DNAH11: variants seen among roughly 807,000 people sequenced by gnomAD.
DNAH11 encodes the protein dynein axonemal heavy chain 11.
A neutral mutation model predicts 526.0 loss-of-function variants in DNAH11; 442 were observed. The ratio of observed to expected loss-of-function variants is 0.84; its 90% confidence interval spans 0.78 to 0.91. The LOEUF is 0.91. Among genes scored for constraint, DNAH11 ranks in the 40% least tolerant of loss-of-function variants. The pLI, the probability that DNAH11 is intolerant of heterozygous loss-of-function variation, is 0.00. For missense variants in DNAH11, 6,989 were observed against 5,448.7 expected (o/e 1.28, Z -8.90); for synonymous variants, 2,461 against 1,935.9 (o/e 1.27, Z -7.12).
At chr7:21,758,930 C>A (rs1786760006) in intron 54 of DNAH11, among the ~76,000 whole-genome samples, 1 of 152,194 alleles carries the variant, frequency 6.6e-6, no homozygotes, top group Non-Finnish European at 1.5e-5. Flanking sequence ...TCTACTCTAA[C>A]AGAGCAGCGC....
intron 65 of DNAH11, among the ~76,000 whole-genome samples, chr7:21,833,974 GA>G (rs1781890408): frequency 6.6e-6 from 1 of 152,090 alleles, no homozygotes; most frequent in South Asian, 2.1e-4. Flanking sequence ...AGAAACATCA[GA>G]GTTAAACCAC....
chr7:21,873,939 T>C (rs532776438), intron 74 of DNAH11, among the ~76,000 whole-genome samples: 91 of 151,864 alleles, frequency 6.0e-4, no homozygotes, highest in African/African-American at 2.1e-3. Flanking sequence ...TACAGCTGCA[T>C]ACCACCACGC....
chr7:21,879,173 G>A (rs988808091), intron 74 of DNAH11, among the ~76,000 whole-genome samples: 3 of 151,668 alleles, frequency 2.0e-5, no homozygotes, highest in African/African-American at 4.8e-5. Context: ...ACAGGTCTAG[G>A]CTGGGCACAG....
intron 8 of DNAH11, 145 bp downstream of exon 8, chr7:21,572,118 T>A: frequency 3.2e-6 from 2 of 618,352 alleles, no homozygotes; most frequent in Non-Finnish European, 2.4e-6. Context: ...TGAAGTCTTG[T>A]AGCTACTTAG....
At chr7:21,558,540 G>A (rs559432826) in intron 2 of DNAH11, among the ~76,000 whole-genome samples, 2 of 152,342 alleles carry the variant, frequency 1.3e-5, no homozygotes, top group South Asian at 4.1e-4. Context: ...TTCATGCAGT[G>A]TTTGAGTTAT....
At chr7:21,647,918 A>C (rs980411291) in intron 28 of DNAH11, among the ~76,000 whole-genome samples, 3 of 152,188 alleles carry the variant, frequency 2.0e-5, no homozygotes, top group Non-Finnish European at 4.4e-5. Flanking sequence ...AAAGTTCTTC[A>C]AGCAAAAGGA....
chr7:21,824,541 TAAATA>T (rs1379441258), intron 65 of DNAH11, among the ~76,000 whole-genome samples: 1 of 152,158 alleles, frequency 6.6e-6, no homozygotes, highest in African/African-American at 2.4e-5. Flanking sequence ...CATTAAAAGA[TAAATA>T]AAAGATCTAA....
chr7:21,619,307 T>C, intron 24 of DNAH11, 85 bp downstream of exon 24: 2 of 1,487,280 alleles, frequency 1.3e-6, no homozygotes, highest in South Asian at 1.3e-5. Flanking sequence ...GTCCTTTTGA[T>C]GTCCTGGGAG....
At chr7:21,700,815 T>C (rs1247822042) in intron 36 of DNAH11, among the ~76,000 whole-genome samples, 2 of 152,040 alleles carry the variant, frequency 1.3e-5, no homozygotes, top group Admixed American at 1.3e-4. Context: ...TGCAGAGACA[T>C]GGACGAGGAT....
chr7:21,687,455 C>G lies in DNAH11; in HGVS notation c.5852C>G (p.Ser1951Cys). 6.2e-7 allele frequency: 1 copy of G among 1,613,904 alleles called. No individual in the cohort carries two copies. The highest frequency in any genetic ancestry group is 8.5e-7 in the Non-Finnish European group (1 of 1,179,920). Reference protein sequence around the residue: ...WGCFDEFNRISVEVLSVVAVQ... With the variant: ...WGCFDEFNRICVEVLSVVAVQ... The stretch of plus-strand genomic sequence containing the variant: ...TGCTTTGATGAGTTCAACCGAATCT[C>G]TGTGGAAGTTCTGTCAGTGGTGGCA... Residue 1951 changes from serine (S) to cysteine (C), a missense_variant, in exon 34 of 82, where the codon TCT becomes TGT. Coordinates refer to ENST00000409508, the MANE Select transcript of DNAH11 (RefSeq NM_001277115.2).
At chr7:21,638,822 C>G in intron 27 of DNAH11, 117 bp from the exon 28 acceptor site, 1 of 1,219,506 alleles carries the variant, frequency 8.2e-7, no homozygotes, top group South Asian at 1.6e-5. Context: ...AGTAAGCTAC[C>G]TGTTAAACAG....
intron 32 of DNAH11, among the ~76,000 whole-genome samples, chr7:21,685,887 T>C (rs1462079313): frequency 6.6e-6 from 1 of 152,188 alleles, no homozygotes; most frequent in Non-Finnish European, 1.5e-5. Flanking sequence ...TTTCTGCACA[T>C]ACACCATTGG....
At position 21,633,828 on chromosome 7, in the gene DNAH11, T is replaced by C. The variant is rs149057695; in HGVS notation, c.4501-2043T>C. ...GGGTAGTCTATTATTCTTCAAAAAA[T>C]GGCAGTCAGAAAAGGGTATTTAGGC... is the stretch of plus-strand genomic sequence containing the variant. On this transcript the variant is annotated intron_variant, in intron 25 of 81. Coordinates refer to ENST00000409508, the MANE Select transcript of DNAH11 (RefSeq NM_001277115.2). 4.6e-5 allele frequency among the ~76,000 whole-genome samples: 7 copies of C among 152,258 alleles called. No individual in the cohort carries two copies. The East Asian group carries it at 1.4e-3, about 29-fold the overall frequency.
intron 65 of DNAH11, among the ~76,000 whole-genome samples, chr7:21,821,822 G>A (rs907242307): frequency 1.3e-5 from 2 of 151,640 alleles, no homozygotes; most frequent in African/African-American, 4.9e-5. Context: ...CTGTATTTTT[G>A]TACCCACTCA....
chr7:21,840,686 C>T (rs1446898164), intron 65 of DNAH11, among the ~76,000 whole-genome samples: 1 of 151,866 alleles, frequency 6.6e-6, no homozygotes, highest in Non-Finnish European at 1.5e-5. Context: ...ATCTCATGTA[C>T]CCCATAAATA....
intron 36 of DNAH11, among the ~76,000 whole-genome samples, chr7:21,699,061 T>C (rs1783960869): frequency 6.6e-6 from 1 of 152,202 alleles, no homozygotes; most frequent in Non-Finnish European, 1.5e-5. Context: ...TAATCATAAA[T>C]GGAATTTTAT....
intron 30 of DNAH11, among the ~76,000 whole-genome samples, chr7:21,668,029 A>T (rs899735806): frequency 2.6e-5 from 4 of 152,164 alleles, no homozygotes; most frequent in Admixed American, 1.3e-4. Flanking sequence ...ATAAACAGAG[A>T]TGTAAGGATT....
chr7:21,859,094 A>G (rs1021104272), intron 68 of DNAH11, among the ~76,000 whole-genome samples: 1 of 152,104 alleles, frequency 6.6e-6, no homozygotes, highest in Non-Finnish European at 1.5e-5. Context: ...TGTCTATGAA[A>G]CATACATGAA....
At chr7:21,708,544 C>T (rs1217831834) in intron 40 of DNAH11, among the ~76,000 whole-genome samples, 3 of 152,286 alleles carry the variant, frequency 2.0e-5, no homozygotes, top group Non-Finnish European at 4.4e-5. Flanking sequence ...TACTTCTTTG[C>T]TTTTGATTTC....
Sources: allele counts gnomAD v4.1 joint callset (sites outside exome capture counted in the v4.1 genomes callset), GRCh38; gene constraint gnomAD v4.1.1; transcripts MANE v1.5; gene names NCBI Gene and HGNC (gene_info 2026-07-23, HGNC 2026-07-21).